Variants in SRGAP2B observed in about 807,000 individuals in gnomAD.
The protein encoded by SRGAP2B is SLIT-ROBO Rho GTPase activating protein 2B.
In SRGAP2B, 9 loss-of-function variants were observed where a neutral mutation model predicts 22.2. The observed-to-expected ratio is 0.41, with a 90% CI of 0.24 to 0.71. The LOEUF (loss-of-function observed/expected upper bound fraction) is 0.71, where lower values mean the gene tolerates loss of function less well. Ranked by LOEUF, SRGAP2B falls within the 30% of genes least tolerant of loss-of-function variation. The pLI, the probability that SRGAP2B is intolerant of heterozygous loss-of-function variation, is 0.35. For missense variants in SRGAP2B, 114 were observed against 235.8 expected, an observed-to-expected ratio of 0.48 and a Z score of 3.38; for synonymous variants, 36 against 87.4, an observed-to-expected ratio of 0.41 and a Z score of 3.28.
intron 2 of SRGAP2B, among the ~76,000 whole-genome samples, chr1:145,031,925 T>C (rs1171162626): frequency 6.8e-6 from 1 of 147,152 alleles, no homozygotes; most frequent in Non-Finnish European, 1.5e-5. Context: ...AATCAGAAGA[T>C]ATGCCTCTAG....
In SRGAP2B at chr1:144,987,789, AC is replaced by A. The variant is rs1454563605; in HGVS notation, c.260+7218del. Among the ~76,000 whole-genome samples the A allele has an allele frequency of 4.8e-4, 72 of 151,130 alleles. No individual in the cohort carries two copies. The South Asian group carries it at 5.6e-3, about 12-fold the overall frequency. On this transcript the variant is annotated intron_variant, in intron 3 of 9. Transcript: ENST00000612199. ...GCACAGCAATGCTTGTGCTGTGCAC[AC>A]ATTTTAACACTTGGTTATCTTTTGC... is the stretch of plus-strand genomic sequence containing the variant.
rs1553635947 is a variant in SRGAP2B, at chr1:145,089,273, G to A, written c.67+3562C>T. Among the ~76,000 whole-genome samples, 4 of 150,756 alleles carry A rather than the reference G, an allele frequency of 2.7e-5. No individual in the cohort carries two copies. In the South Asian group the frequency reaches 8.4e-4, roughly 32 times the overall value. ...ATTGCTTTCAAGTCAGACATTGAGA[G>A]GCATGAACTTTCCAAGGAATGTGGG... On this transcript the variant is annotated intron_variant, in intron 2 of 9. Transcript: ENST00000612199.
chr1:145,081,017 C>A (rs1418284892), intron 2 of SRGAP2B, among the ~76,000 whole-genome samples: 29 of 148,574 alleles, frequency 2.0e-4, no homozygotes, highest in Admixed American at 4.0e-4. Flanking sequence ...TGCATTAATT[C>A]TTTATTGTAC....
At chr1:144,966,005 C>T (rs1316405447) in intron 3 of SRGAP2B, among the ~76,000 whole-genome samples, 2 of 150,850 alleles carry the variant, frequency 1.3e-5, no homozygotes, top group Non-Finnish European at 2.9e-5. Flanking sequence ...AAGACCAAAT[C>T]TACGTCTGAT....
chr1:145,067,946 G>A (rs1161132778), intron 2 of SRGAP2B, among the ~76,000 whole-genome samples: 1 of 30,138 alleles, frequency 3.3e-5, no homozygotes, highest in Non-Finnish European at 6.5e-5. Flanking sequence ...GCTCACGCCT[G>A]TAATCCCAGC....
chr1:144,988,991 TCCC>T (rs1202767825), intron 3 of SRGAP2B, among the ~76,000 whole-genome samples: 1 of 94,698 alleles, frequency 1.1e-5, no homozygotes, highest in African/African-American at 4.1e-5. Flanking sequence ...TCCTTTCCAC[TCCC>T]CCCACTTTTT....
intron 4 of SRGAP2B, among the ~76,000 whole-genome samples, chr1:144,943,404 A>C (rs1287464198): frequency 6.6e-6 from 1 of 151,846 alleles, no homozygotes; most frequent in Non-Finnish European, 1.5e-5. Context: ...AGTAGATTAC[A>C]AAATAGTATG....
intron 2 of SRGAP2B, among the ~76,000 whole-genome samples, chr1:144,997,483 C>T (rs1553618669): frequency 1.3e-5 from 2 of 149,602 alleles, no homozygotes; most frequent in Non-Finnish European, 3.0e-5. Context: ...AAAGGCTTTC[C>T]AGGTACTGAA....
chr1:144,911,950 CTTTTTTT>C (rs1175957935), intron 5 of SRGAP2B, among the ~76,000 whole-genome samples: 10 of 112,920 alleles, frequency 8.9e-5, no homozygotes, highest in Non-Finnish European at 1.6e-4. Context: ...TTTCCTTTTT[CTTTTTTT>C]TTTTTTTTTT....
At position 144,965,211 on chromosome 1, in the gene SRGAP2B, G is replaced by A. The variant is rs749950612; in HGVS notation, c.261-9610C>T. ...TCCGGTCTACAGCTCCAGCGTGAGC[G>A]ACACAGAAGACGGGTGATTTCTGCA... On this transcript the variant is annotated intron_variant, in intron 3 of 9. Transcript: ENST00000612199. The A allele has an allele frequency of 1.3e-4, 115 of 887,754 alleles. 3 individuals carry two copies. Among genetic ancestry groups the A allele is most frequent in the African/African-American group, 3.8e-4 (22 of 57,354 alleles). 55.0% of individuals were successfully genotyped at this position (887,754 alleles called of 1,614,324 possible).
At chr1:144,966,795 G>A (rs1668117358) in intron 3 of SRGAP2B, among the ~76,000 whole-genome samples, 1 of 148,754 alleles carries the variant, frequency 6.7e-6, no homozygotes, top group African/African-American at 2.6e-5. Flanking sequence ...GATGGAGGAA[G>A]ATCTACCAAG....
chr1:144,922,277 G>A (rs1244047523), intron 4 of SRGAP2B, among the ~76,000 whole-genome samples: 2 of 87,656 alleles, frequency 2.3e-5, no homozygotes, highest in South Asian at 4.5e-4. Context: ...TGTTCTTTCC[G>A]CTGCACTATG....
At chr1:145,025,948 G>T (rs1647683556) in intron 2 of SRGAP2B, among the ~76,000 whole-genome samples, 1 of 147,708 alleles carries the variant, frequency 6.8e-6, no homozygotes, top group Non-Finnish European at 1.5e-5. Context: ...GCCTTGGGGA[G>T]GGCAGGGGAT....
chr1:144,907,786 G>A (rs1428253234), intron 5 of SRGAP2B, among the ~76,000 whole-genome samples: 3 of 150,474 alleles, frequency 2.0e-5, no homozygotes, highest in Non-Finnish European at 4.4e-5. Flanking sequence ...GACTTTGTGG[G>A]TATACTAATC....
intron 3 of SRGAP2B, among the ~76,000 whole-genome samples, chr1:144,973,432 AGGAG>A (rs879975363): frequency 3.0e-4 from 34 of 114,622 alleles, no homozygotes; most frequent in Middle Eastern, 3.7e-3. Context: ...AAAGAAGAGA[AGGAG>A]GGAGGGAGGG....
intron 2 of SRGAP2B, among the ~76,000 whole-genome samples, chr1:145,062,743 ATT>A (rs1651057998): frequency 1.3e-5 from 2 of 149,178 alleles, no homozygotes; most frequent in South Asian, 4.3e-4. Flanking sequence ...CTTCAGTGGA[ATT>A]TGAGTCACCT....
At chr1:145,023,035 C>A (rs587717319) in intron 2 of SRGAP2B, among the ~76,000 whole-genome samples, 1 of 149,774 alleles carries the variant, frequency 6.7e-6, no homozygotes, top group Non-Finnish European at 1.5e-5. Flanking sequence ...CATGGCGATG[C>A]GTGCCTATAG....
At chr1:145,014,332 A>G (rs1229735695) in intron 2 of SRGAP2B, among the ~76,000 whole-genome samples, 1 of 148,936 alleles carries the variant, frequency 6.7e-6, no homozygotes, top group Non-Finnish European at 1.5e-5. Flanking sequence ...CGAACAAACA[A>G]AAAAACCAAC....
At position 144,939,455 on chromosome 1, in the gene SRGAP2B, C is replaced by T. The variant is rs1340709471; in HGVS notation, c.423+15984G>A. On this transcript the variant is annotated intron_variant, in intron 4 of 9. Transcript: ENST00000612199. The stretch of plus-strand genomic sequence containing the variant: ...TCCTATAGACAACAAATTGTCTGTA[C>T]GACTCATTACATTGCTATCTAAATT... 1.2e-3 allele frequency among the ~76,000 whole-genome samples: 176 copies of T among 147,996 alleles called. 3 individuals carry two copies. Among genetic ancestry groups the T allele is most frequent in the African/African-American group, 3.7e-3 (144 of 38,726 alleles).
Sources: gnomAD v4.1 joint callset for allele counts (sites outside exome capture counted in the v4.1 genomes callset) on GRCh38, gnomAD v4.1.1 for gene constraint, MANE v1.5 for transcripts, NCBI Gene and HGNC (gene_info 2026-07-23, HGNC 2026-07-21) for gene names.